The following PTPRR variants were observed in gnomAD, a reference collection of about 807,000 sequenced individuals.
PTPRR encodes the protein protein tyrosine phosphatase receptor type R, also known as receptor-type tyrosine-protein phosphatase R.
In PTPRR, 38 loss-of-function variants were observed where a neutral mutation model predicts 77.2. The ratio of observed to expected loss-of-function variants is 0.49; its 90% confidence interval spans 0.38 to 0.65. The LOEUF is 0.65. Ranked by LOEUF, PTPRR falls within the 30% of genes least tolerant of loss-of-function variation. The probability of loss-of-function intolerance (pLI) is 0.00; values close to 1 mark genes in which losing one functional copy is unlikely to be tolerated. For missense variants in PTPRR, 744 were observed against 799.2 expected (o/e 0.93, Z 0.83); for synonymous variants, 299 against 283.1 (o/e 1.06, Z -0.57).
At chr12:70,714,806 A>C (rs1463500631) in intron 6 of PTPRR, among the ~76,000 whole-genome samples, 2 of 152,074 alleles carry the variant, frequency 1.3e-5, no homozygotes, top group African/African-American at 4.8e-5. Context: ...GGAACATGGC[A>C]AAAGCCCATC....
At chr12:70,822,927 C>T (rs560984584) in intron 2 of PTPRR, among the ~76,000 whole-genome samples, 1 of 151,636 alleles carries the variant, frequency 6.6e-6, no homozygotes, top group African/African-American at 2.4e-5. Flanking sequence ...TTTGGGTGTG[C>T]ATTTCTCATC....
intron 1 of PTPRR, among the ~76,000 whole-genome samples, chr12:70,917,326 G>A (rs10506616): frequency 0.12 from 18,647 of 152,124 alleles, 1,581 homozygotes; most frequent in East Asian, 0.42. Context: ...ACCTATTGTA[G>A]AACCAGTGTA....
intron 2 of PTPRR, among the ~76,000 whole-genome samples, chr12:70,873,555 A>G (rs892508152): frequency 1.3e-5 from 2 of 152,204 alleles, no homozygotes; most frequent in African/African-American, 2.4e-5. Flanking sequence ...CGTCTTTAAG[A>G]GAACTGAGGG....
intron 2 of PTPRR, among the ~76,000 whole-genome samples, chr12:70,877,168 G>A (rs1234389172): frequency 6.6e-6 from 1 of 152,174 alleles, no homozygotes; most frequent in African/African-American, 2.4e-5. Flanking sequence ...ATGTAAGTAG[G>A]GCTTCGGTCA....
At chr12:70,718,455 C>T (rs575989507) in intron 6 of PTPRR, among the ~76,000 whole-genome samples, 86 of 152,092 alleles carry the variant, frequency 5.7e-4, no homozygotes, top group African/African-American at 2.0e-3. Context: ...TTAGTAGAGA[C>T]GGGGTTTCAC....
chr12:70,802,797 T>C (rs1891640143), intron 2 of PTPRR, among the ~76,000 whole-genome samples: 1 of 152,210 alleles, frequency 6.6e-6, no homozygotes, highest in African/African-American at 2.4e-5. Flanking sequence ...CAATATATGA[T>C]TCTGTGAGAC....
intron 2 of PTPRR, among the ~76,000 whole-genome samples, chr12:70,799,128 A>G (rs1226558011): frequency 6.6e-6 from 1 of 152,180 alleles, no homozygotes; most frequent in East Asian, 1.9e-4. Context: ...TACCTCCCTG[A>G]CCATACCTGT....
chr12:70,675,417 C>G (rs1887408220), intron 10 of PTPRR, among the ~76,000 whole-genome samples: 1 of 151,804 alleles, frequency 6.6e-6, no homozygotes, highest in Admixed American at 6.6e-5. Flanking sequence ...CTCTCTTCTA[C>G]CAGATTGGAA....
chr12:70,832,655 A>C (rs1369813147), intron 2 of PTPRR, among the ~76,000 whole-genome samples: 1 of 152,190 alleles, frequency 6.6e-6, no homozygotes, highest in Non-Finnish European at 1.5e-5. Flanking sequence ...AACCAAGAGG[A>C]TATCACAACA....
At chr12:70,766,805 C>T (rs1890835766) in intron 2 of PTPRR, among the ~76,000 whole-genome samples, 1 of 152,186 alleles carries the variant, frequency 6.6e-6, no homozygotes, top group South Asian at 2.1e-4. Flanking sequence ...ATCAGACTAA[C>T]AGCGGATCTC....
chr12:70,761,693 T>G, intron 3 of PTPRR, 67 bp from the exon 4 acceptor site: 4 of 1,262,162 alleles, frequency 3.2e-6, no homozygotes, highest in Non-Finnish European at 4.3e-6. Flanking sequence ...TATTTTTACC[T>G]GTCCTTTAGA....
At chr12:70,799,955 G>T (rs1209798435) in intron 2 of PTPRR, among the ~76,000 whole-genome samples, 1 of 152,056 alleles carries the variant, frequency 6.6e-6, no homozygotes, top group African/African-American at 2.4e-5. Flanking sequence ...GAAGCCAATA[G>T]TCACAAAGAT....
intron 6 of PTPRR, among the ~76,000 whole-genome samples, chr12:70,732,260 G>A (rs1889687295): frequency 6.6e-6 from 1 of 152,196 alleles, no homozygotes; most frequent in Non-Finnish European, 1.5e-5. Context: ...ACCTTAAGTA[G>A]ACTAAGGATT....
chr12:70,867,407 G>A (rs1892873321), intron 2 of PTPRR, among the ~76,000 whole-genome samples: 1 of 152,016 alleles, frequency 6.6e-6, no homozygotes, highest in Non-Finnish European at 1.5e-5. Context: ...CAGACAGAGA[G>A]CCAAATCACG....
intron 1 of PTPRR, among the ~76,000 whole-genome samples, chr12:70,915,108 A>G (rs1893756600): frequency 6.6e-6 from 1 of 152,184 alleles, no homozygotes; most frequent in Admixed American, 6.5e-5. Context: ...ATGGCTGGAG[A>G]AATAAGAGGG....
chr12:70,782,843 A>G (rs928003261), intron 2 of PTPRR, among the ~76,000 whole-genome samples: 8 of 152,208 alleles, frequency 5.3e-5, no homozygotes, highest in African/African-American at 1.9e-4. Flanking sequence ...TAATAAAAAA[A>G]TAAACAAATA....
chr12:70,719,300 T>A lies in PTPRR; in HGVS notation c.1008-17977A>T, dbSNP rs1889152050. ...CTACTGCCAATTCGCTCCTAGGCTG[T>A]CCTCGATAAGGCATGCCGTAGGATT... On this transcript the variant is annotated intron_variant, in intron 6 of 13. Coordinates refer to ENST00000283228, the MANE Select transcript of PTPRR (RefSeq NM_002849.4). Among the ~76,000 whole-genome samples the A allele has an allele frequency of 3.3e-5, 5 of 152,126 alleles. No individual in the cohort carries two copies. The South Asian group carries it at 6.2e-4, about 19-fold the overall frequency.
chr12:70,800,603 G>C (rs1891597755), intron 2 of PTPRR, among the ~76,000 whole-genome samples: 1 of 151,990 alleles, frequency 6.6e-6, no homozygotes. Context: ...AGGCTCAAAA[G>C]TATTAATGAG....
intron 2 of PTPRR, among the ~76,000 whole-genome samples, chr12:70,798,692 T>C (rs1490848049): frequency 1.3e-5 from 2 of 152,212 alleles, no homozygotes; most frequent in East Asian, 1.9e-4. Context: ...AGATCTTGAC[T>C]TAAATGTTCA....
Sources: allele counts gnomAD v4.1 joint callset (sites outside exome capture counted in the v4.1 genomes callset), GRCh38; gene constraint gnomAD v4.1.1; transcripts MANE v1.5; gene names NCBI Gene and HGNC (gene_info 2026-07-23, HGNC 2026-07-21).